Variants in ADGRA3 observed in about 807,000 individuals in gnomAD.
The protein encoded by ADGRA3 is adhesion G protein-coupled receptor A3.
ADGRA3 carries 56 observed loss-of-function variants against 119.8 expected under a neutral mutation model. The observed-to-expected ratio is 0.47, with a 90% CI of 0.38 to 0.58. The LOEUF (loss-of-function observed/expected upper bound fraction) is 0.58. Among genes scored for constraint, ADGRA3 ranks in the 20% least tolerant of loss-of-function variants. The pLI, the probability that ADGRA3 is intolerant of heterozygous loss-of-function variation, is 0.00. For synonymous variants in ADGRA3, 607 were observed against 623.8 expected (o/e 0.97, Z 0.40); for missense variants, 1,516 against 1,649.0 (o/e 0.92, Z 1.40).
At chr4:22,431,629 C>A (rs1384588209) in intron 10 of ADGRA3, among the ~76,000 whole-genome samples, 2 of 152,150 alleles carry the variant, frequency 1.3e-5, no homozygotes, top group Admixed American at 1.3e-4. Context: ...CATGACTTTG[C>A]TCCTCCTTTG....
At position 22,475,842 on chromosome 4, in the gene ADGRA3, G is replaced by A. The variant is rs150543254; in HGVS notation, c.258-1999C>T. Among the ~76,000 whole-genome samples the A allele has an allele frequency of 2.0e-3, 302 of 152,258 alleles. 1 individual carries two copies. The highest frequency in any genetic ancestry group is 6.8e-3 in the African/African-American group (282 of 41,548). ...TGGGTGCAGTGTATACTGCTCGGGT[G>A]ATGGGTGCACCAAAATATCAGAAAT... On this transcript the variant is annotated intron_variant, in intron 1 of 18. Coordinates refer to ENST00000334304, the MANE Select transcript of ADGRA3 (RefSeq NM_145290.4).
chr4:22,481,344 T>C (rs1050755931), intron 1 of ADGRA3, among the ~76,000 whole-genome samples: 2 of 152,150 alleles, frequency 1.3e-5, no homozygotes, highest in Non-Finnish European at 2.9e-5. Context: ...ACCCCAGTCA[T>C]GAAAACTGGT....
At chr4:22,498,763 A>C (rs902839900) in intron 1 of ADGRA3, among the ~76,000 whole-genome samples, 1 of 152,002 alleles carries the variant, frequency 6.6e-6, no homozygotes, top group Non-Finnish European at 1.5e-5. Context: ...AAAATACAAA[A>C]ATTAGCCAGG....
intron 12 of ADGRA3, among the ~76,000 whole-genome samples, chr4:22,419,244 G>T (rs1399211870): frequency 7.1e-5 from 1 of 14,162 alleles, no homozygotes. Context: ...GTATATTCAA[G>T]GGATTAAAAA....
At chr4:22,453,695 T>C (rs1042128281) in intron 4 of ADGRA3, among the ~76,000 whole-genome samples, 26 of 152,326 alleles carry the variant, frequency 1.7e-4, no homozygotes, top group African/African-American at 6.3e-4. Context: ...TAAAACATGA[T>C]TTCATGCCAT....
At chr4:22,479,071 C>A (rs1213302983) in intron 1 of ADGRA3, among the ~76,000 whole-genome samples, 1 of 151,910 alleles carries the variant, frequency 6.6e-6, no homozygotes, top group African/African-American at 2.4e-5. Context: ...ATGCGGCCCA[C>A]AAACACATGA....
At chr4:22,406,325 C>T (rs1714924004) in intron 14 of ADGRA3, among the ~76,000 whole-genome samples, 1 of 152,150 alleles carries the variant, frequency 6.6e-6, no homozygotes, top group African/African-American at 2.4e-5. Flanking sequence ...TTCCTTTCTT[C>T]TGAATATATA....
chr4:22,427,120 G>C (rs1320365760), intron 10 of ADGRA3, among the ~76,000 whole-genome samples: 1 of 152,128 alleles, frequency 6.6e-6, no homozygotes, highest in African/African-American at 2.4e-5. Context: ...AAAAATAAAA[G>C]AGGTAAAAGA....
intron 6 of ADGRA3, chr4:22,443,258 T>C: frequency 2.0e-6 from 1 of 490,338 alleles, no homozygotes. Context: ...AGTTTTTGGC[T>C]GTAAAACTAA....
intron 4 of ADGRA3, 28 bp from the exon 5 acceptor site, chr4:22,447,539 T>C (rs758546365): frequency 8.6e-6 from 11 of 1,279,616 alleles, no homozygotes; most frequent in Non-Finnish European, 1.1e-5. Flanking sequence ...ATTTCACTTT[T>C]AAAAATACAA....
At chr4:22,424,836 C>A (rs1448027160) in intron 10 of ADGRA3, among the ~76,000 whole-genome samples, 2 of 152,170 alleles carry the variant, frequency 1.3e-5, no homozygotes, top group African/African-American at 4.8e-5. Flanking sequence ...CTTTGGGAGG[C>A]CGAGGTGGGT....
intron 2 of ADGRA3, among the ~76,000 whole-genome samples, chr4:22,468,730 C>T (rs1468902254): frequency 1.3e-5 from 2 of 150,504 alleles, no homozygotes; most frequent in Non-Finnish European, 3.0e-5. Context: ...GATCATGCCA[C>T]CACACTCCAG....
chr4:22,502,905 A>G (rs931581771), intron 1 of ADGRA3, among the ~76,000 whole-genome samples: 3 of 152,058 alleles, frequency 2.0e-5, no homozygotes, highest in Admixed American at 2.0e-4. Context: ...AAAAAAAAAA[A>G]AAAAAAAACA....
chr4:22,470,780 C>A (rs1347651700), intron 2 of ADGRA3, among the ~76,000 whole-genome samples: 4 of 152,116 alleles, frequency 2.6e-5, no homozygotes, highest in African/African-American at 7.2e-5. Context: ...CAGAATGCAC[C>A]AGCAGAAAAG....
chr4:22,492,430 G>A (rs1276993415), intron 1 of ADGRA3, among the ~76,000 whole-genome samples: 2 of 152,126 alleles, frequency 1.3e-5, no homozygotes, highest in Non-Finnish European at 2.9e-5. Flanking sequence ...TTTCATTCAT[G>A]TATTTAATTA....
chr4:22,513,160 T>C lies in ADGRA3; in HGVS notation c.257+2368A>G, dbSNP rs1055978991. On this transcript the variant is annotated intron_variant, in intron 1 of 18. Transcript: ENST00000334304. The stretch of plus-strand genomic sequence containing the variant: ...ACTTTCCTCTTTTTTTTTTTTTTTT[T>C]TTGAGATGGAGTTTCATTCTTGTTA... Among the ~76,000 whole-genome samples the C allele has an allele frequency of 7.5e-5, 11 of 147,276 alleles. No individual in the cohort carries two copies. In the East Asian group the frequency reaches 1.9e-3, roughly 26 times the overall value.
intron 14 of ADGRA3, among the ~76,000 whole-genome samples, chr4:22,410,355 T>C (rs1715142976): frequency 6.6e-6 from 1 of 152,184 alleles, no homozygotes; most frequent in Non-Finnish European, 1.5e-5. Context: ...CACCTGGCTA[T>C]TCCAGATCAT....
At chr4:22,445,962 A>G (rs1716815571) in intron 5 of ADGRA3, among the ~76,000 whole-genome samples, 1 of 152,246 alleles carries the variant, frequency 6.6e-6, no homozygotes, top group Non-Finnish European at 1.5e-5. Context: ...AGTCCAGCTA[A>G]TAACAATGAA....
chr4:22,395,777 T>C (rs1328949162), intron 16 of ADGRA3, among the ~76,000 whole-genome samples: 1 of 152,190 alleles, frequency 6.6e-6, no homozygotes, highest in Non-Finnish European at 1.5e-5. Context: ...ATTCAGTTTA[T>C]ATAGTTATAA....
Sources: allele counts gnomAD v4.1 joint callset (sites outside exome capture counted in the v4.1 genomes callset), GRCh38; gene constraint gnomAD v4.1.1; transcripts MANE v1.5; gene names NCBI Gene and HGNC (gene_info 2026-07-23, HGNC 2026-07-21).